The following PIK3CB variants were observed in gnomAD, a reference collection of about 807,000 sequenced individuals.
The protein encoded by PIK3CB is phosphatidylinositol 4,5-bisphosphate 3-kinase catalytic subunit beta isoform.
Under a neutral mutation model 136.8 loss-of-function variants are expected in PIK3CB, and 39 were observed. That is an observed-to-expected ratio of 0.29 (90% CI 0.22 to 0.37). The LOEUF is 0.37. PIK3CB is among the 10% of genes least tolerant of loss of function. PIK3CB has a pLI of 1.00. For missense variants in PIK3CB, 868 were observed against 1,275.4 expected, an observed-to-expected ratio of 0.68 and a Z score of 4.87; for synonymous variants, 428 against 436.6, an observed-to-expected ratio of 0.98 and a Z score of 0.25.
At chr3:138,699,434 T>C (rs1436417900) in intron 12 of PIK3CB, among the ~76,000 whole-genome samples, 1 of 151,760 alleles carries the variant, frequency 6.6e-6, no homozygotes, top group Non-Finnish European at 1.5e-5. Flanking sequence ...GTGGACTGCC[T>C]GAGGTCAGGA....
Position 138,714,599 on chromosome 3 carries a change from T to C in PIK3CB, c.1171A>G (p.Ile391Val), listed in dbSNP as rs576559456. 6.2e-7 allele frequency: 1 copy of C among 1,613,692 alleles called. No homozygotes were observed. Among genetic ancestry groups the C allele is most frequent in the African/African-American group, 1.3e-5 (1 of 75,028 alleles). ...CGAGCCATTCTTGGTAAGTCACAAA[T>C]ATTAATATCAAATTCCAGTGGTTCA... ...WNEPLEFDIN[I>V]CDLPRMARLC... is the part of the protein sequence containing the mutation. Residue 391 changes from isoleucine (I) to valine (V), a missense_variant, in exon 9 of 24, where the codon ATT becomes GTT. Around this residue, in one of 4 missense-constraint regions of PIK3CB, gnomAD observed 612 missense variants for 801.1 expected, o/e 0.76. Coordinates refer to ENST00000674063, the MANE Select transcript of PIK3CB (RefSeq NM_006219.3).
chr3:138,823,505 C>T (rs1245355666), intron 1 of PIK3CB, among the ~76,000 whole-genome samples: 1 of 151,500 alleles, frequency 6.6e-6, no homozygotes. Flanking sequence ...GAGATCGAGA[C>T]CATCCTGGGC....
At chr3:138,684,478 G>T in intron 17 of PIK3CB, 147 bp downstream of exon 17, 2 of 485,030 alleles carry the variant, frequency 4.1e-6, no homozygotes, top group Non-Finnish European at 7.2e-6. Flanking sequence ...TTGAATATAA[G>T]CATAGCCTCG....
At position 138,774,026 on chromosome 3, in the gene PIK3CB, A is replaced by T. The variant is rs554545506; in HGVS notation, c.-16-14667T>A. Among the ~76,000 whole-genome samples, 12 of 152,354 alleles carry T rather than the reference A, an allele frequency of 7.9e-5. No individual in the cohort carries two copies. The South Asian group carries it at 1.2e-3, about 16-fold the overall frequency. ...CAATATCTACTACATTAACATAGAG[A>T]CCTTCTCTAGCCTTTGAAGATATAA... On this transcript the variant is annotated intron_variant, in intron 2 of 23. Coordinates refer to ENST00000674063, the MANE Select transcript of PIK3CB (RefSeq NM_006219.3).
intron 2 of PIK3CB, among the ~76,000 whole-genome samples, chr3:138,794,909 T>G (rs1158289113): frequency 2.6e-5 from 4 of 152,170 alleles, no homozygotes; most frequent in African/African-American, 9.6e-5. Flanking sequence ...GTGAGCCTGG[T>G]GGCTTACACC....
intron 16 of PIK3CB, among the ~76,000 whole-genome samples, chr3:138,687,238 A>C (rs1471553272): frequency 6.6e-6 from 1 of 152,180 alleles, no homozygotes; most frequent in Non-Finnish European, 1.5e-5. Context: ...CAAAAAAAAA[A>C]AAAAACAGGA....
chr3:138,711,267 C>A (rs1402608839), intron 10 of PIK3CB, among the ~76,000 whole-genome samples: 1 of 150,390 alleles, frequency 6.6e-6, no homozygotes, highest in Non-Finnish European at 1.5e-5. Context: ...AACACACATT[C>A]ATTAAAATAA....
At chr3:138,719,235 ATTTTTTTTTT>A (rs34980826) in intron 8 of PIK3CB, among the ~76,000 whole-genome samples, 19 of 69,624 alleles carry the variant, frequency 2.7e-4, no homozygotes, top group South Asian at 1.3e-3. Context: ...TTAGCTCAGT[ATTTTTTTTTT>A]TTTTTTTTTT....
At chr3:138,724,424 T>G (rs77411190) in intron 8 of PIK3CB, among the ~76,000 whole-genome samples, 2 of 152,174 alleles carry the variant, frequency 1.3e-5, no homozygotes, top group Non-Finnish European at 2.9e-5. Flanking sequence ...CCAGAAGTCC[T>G]GCAAATCCCA....
chr3:138,671,887 C>G (rs2043540825), intron 19 of PIK3CB, among the ~76,000 whole-genome samples: 1 of 152,096 alleles, frequency 6.6e-6, no homozygotes, highest in Non-Finnish European at 1.5e-5. Flanking sequence ...GGCTAAACAT[C>G]TGAATTTTTT....
chr3:138,734,951 AATTTT>A (rs2045071885), intron 6 of PIK3CB, 147 bp from the exon 7 acceptor site: 10 of 296,626 alleles, frequency 3.4e-5, no homozygotes, highest in Non-Finnish European at 4.6e-5. Flanking sequence ...AAAAAAAAAA[AATTTT>A]TTTTTTTTTT....
intron 1 of PIK3CB, among the ~76,000 whole-genome samples, chr3:138,803,681 C>A (rs2046200730): frequency 6.6e-6 from 1 of 152,134 alleles, no homozygotes; most frequent in South Asian, 2.1e-4. Context: ...GGAAGAGGCT[C>A]AGGTGTGGAG....
Position 138,665,084 on chromosome 3 carries a change from G to A in PIK3CB, c.2624C>T (p.Ala875Val), listed in dbSNP as rs141548103. Residue 875 changes from alanine to valine, a missense_variant, in exon 20 of 24, where the codon GCC becomes GTC. Around this residue, in one of 4 missense-constraint regions of PIK3CB, gnomAD observed 165 missense variants for 295.4 expected, o/e 0.56. Transcript: ENST00000674063. ...GTTCAGAAGGGCATCTTTGTTGAAG[G>A]CTGCTGCAGCAGCCACATTGCTACT... The part of the protein sequence containing the change: ...LNSSNVAAAA[A>V]FNKDALLNWL... 7 of 1,612,872 alleles carry A rather than the reference G, an allele frequency of 4.3e-6. No homozygotes were observed. The highest frequency in any genetic ancestry group is 5.9e-6 in the Non-Finnish European group (7 of 1,179,302).
intron 5 of PIK3CB, among the ~76,000 whole-genome samples, chr3:138,739,327 C>G (rs1007359942): frequency 1.3e-5 from 2 of 151,830 alleles, no homozygotes; most frequent in Non-Finnish European, 2.9e-5. Context: ...GCCTGTAGTC[C>G]CAGCTACTTG....
At chr3:138,825,321 G>A in intron 1 of PIK3CB, 1 of 501,312 alleles carries the variant, frequency 2.0e-6, no homozygotes, top group South Asian at 3.1e-5. Context: ...ATTTAAAGCT[G>A]GTATCTCCAA....
chr3:138,829,930 G>A (rs1576438178), intron 1 of PIK3CB, among the ~76,000 whole-genome samples: 1 of 152,118 alleles, frequency 6.6e-6, no homozygotes, highest in Non-Finnish European at 1.5e-5. Flanking sequence ...GTTCAGGACT[G>A]GAGATAAAAA....
chr3:138,755,780 G>T lies in PIK3CB; in HGVS notation c.371C>A (p.Ser124Ter). Reference protein sequence around the residue: ...RSCDPGEKLDSKIGVLIGKGL... With the variant: ...RSCDPGEKLD ...TTTTCCTATAAGGACTCCAATTTTT[G>T]AGTCTAATTTTTCCCCTGGGTCACA... is the stretch of plus-strand genomic sequence containing the variant. Residue 124 changes from serine to a stop codon, truncating the protein, a stop_gained, in exon 4 of 24, where the codon TCA becomes TAA. Coordinates refer to ENST00000674063, the MANE Select transcript of PIK3CB (RefSeq NM_006219.3). LOFTEE classifies it high-confidence loss of function. 3 of 1,598,812 alleles carry T rather than the reference G, an allele frequency of 1.9e-6. No individual in the cohort carries two copies. Among genetic ancestry groups the T allele is most frequent in the Non-Finnish European group, 1.7e-6 (2 of 1,168,372 alleles).
At chr3:138,826,506 T>G (rs1396444623) in intron 1 of PIK3CB, among the ~76,000 whole-genome samples, 1 of 150,430 alleles carries the variant, frequency 6.6e-6, no homozygotes, top group Non-Finnish European at 1.5e-5. Context: ...TGGGTTTTTT[T>G]TTTTTTTTTT....
At chr3:138,728,043 C>T (rs2044879181) in intron 8 of PIK3CB, among the ~76,000 whole-genome samples, 1 of 152,026 alleles carries the variant, frequency 6.6e-6, no homozygotes. Flanking sequence ...AACTCCTGAC[C>T]TCAGGTGATC....
Sources: allele counts gnomAD v4.1 joint callset (sites outside exome capture counted in the v4.1 genomes callset), GRCh38; gene constraint gnomAD v4.1.1; regional missense constraint gnomAD v4.1.1; transcripts MANE v1.5; gene names NCBI Gene and HGNC (gene_info 2026-07-23, HGNC 2026-07-21).